Variants in CCDC167 observed in about 807,000 individuals in gnomAD.
CCDC167 encodes the protein coiled-coil domain containing 167, also known as coiled-coil domain-containing protein 167.
A neutral mutation model predicts 12.7 loss-of-function variants in CCDC167; 15 were observed. The ratio of observed to expected loss-of-function variants is 1.18; its 90% CI spans 0.79 to 1.81. CCDC167 has a LOEUF of 1.81. Among genes scored for constraint, CCDC167 ranks in the 40% most tolerant of loss-of-function variants. The pLI is 0.00. For synonymous variants in CCDC167, 52 were observed against 49.0 expected, an observed-to-expected ratio of 1.06 and a Z score of -0.26; for missense variants, 121 against 120.1, an observed-to-expected ratio of 1.01 and a Z score of -0.03.
At chr6:37,488,541 G>A (rs1761974968) in intron 1 of CCDC167, among the ~76,000 whole-genome samples, 1 of 152,238 alleles carries the variant, frequency 6.6e-6, no homozygotes, top group Non-Finnish European at 1.5e-5. Flanking sequence ...GGAGACAAAT[G>A]TCAAGAAGAT....
At chr6:37,489,924 G>C (rs999949950) in intron 1 of CCDC167, among the ~76,000 whole-genome samples, 2 of 152,218 alleles carry the variant, frequency 1.3e-5, no homozygotes, top group East Asian at 3.8e-4. Context: ...GACCTAGACG[G>C]CACAGTGTGG....
intron 1 of CCDC167, among the ~76,000 whole-genome samples, chr6:37,497,479 A>C (rs1452245883): frequency 6.7e-6 from 1 of 149,632 alleles, no homozygotes; most frequent in Non-Finnish European, 1.5e-5. Context: ...CTTCTACAAC[A>C]CATCACAGCC....
intron 1 of CCDC167, among the ~76,000 whole-genome samples, chr6:37,486,605 C>T (rs1761945981): frequency 6.6e-6 from 1 of 152,216 alleles, no homozygotes; most frequent in South Asian, 2.1e-4. Context: ...CCTCCAGCCC[C>T]ATAAGCAGGG....
Position 37,484,811 on chromosome 6 carries a change from G to T in CCDC167, c.189C>A (p.Tyr63Ter), listed in dbSNP as rs768066379. 6.2e-7 allele frequency: 1 copy of T among 1,614,222 alleles called. No individual in the cohort carries two copies. Among genetic ancestry groups the T allele is most frequent in the Admixed American group, 1.7e-5 (1 of 60,028 alleles). Residue 63 changes from tyrosine (Y) to a stop codon, truncating the protein, a stop_gained and splice_region_variant, in exon 3 of 4, where the codon TAC becomes TAA. Coordinates refer to ENST00000373408, the MANE Select transcript of CCDC167 (RefSeq NM_138493.3). LOFTEE classifies it high-confidence loss of function. ...KNSLMNKASN[Y>*]EKELKFLRQE... ...GGTAACTGAAAGGAACTTTCTTACC[G>T]TAGTTGGAGGCTTTGTTCATTAGGC... is the stretch of plus-strand genomic sequence containing the variant.
intron 1 of CCDC167, among the ~76,000 whole-genome samples, chr6:37,485,731 A>T (rs1761934174): frequency 6.6e-6 from 1 of 152,246 alleles, no homozygotes; most frequent in African/African-American, 2.4e-5. Context: ...CATCTTAATA[A>T]CTTAGTAGTC....
intron 1 of CCDC167, among the ~76,000 whole-genome samples, chr6:37,488,189 G>C (rs1259664294): frequency 6.6e-6 from 1 of 152,256 alleles, no homozygotes; most frequent in Non-Finnish European, 1.5e-5. Flanking sequence ...TGAGTGGAGA[G>C]ACTCCAGGGG....
chr6:37,491,959 C>T (rs1027348610), intron 1 of CCDC167, among the ~76,000 whole-genome samples: 2 of 152,138 alleles, frequency 1.3e-5, no homozygotes, highest in Non-Finnish European at 1.5e-5. Flanking sequence ...GAGAAGGCAG[C>T]GCTCATCAGC....
At chr6:37,498,374 C>T (rs1465564645) in intron 1 of CCDC167, among the ~76,000 whole-genome samples, 2 of 152,162 alleles carry the variant, frequency 1.3e-5, no homozygotes, top group African/African-American at 2.4e-5. Context: ...ATGTTCTTCC[C>T]GCCACAAAGT....
intron 1 of CCDC167, among the ~76,000 whole-genome samples, chr6:37,494,804 A>ATTTTTTTTTTT (rs1561799989): frequency 2.2e-5 from 1 of 44,934 alleles, no homozygotes; most frequent in African/African-American, 1.7e-4. Context: ...CCTACCTACA[A>ATTTTTTTTTTT]ATTTTTTTTT....
intron 1 of CCDC167, among the ~76,000 whole-genome samples, chr6:37,488,826 A>T (rs1163341915): frequency 1.3e-5 from 2 of 152,262 alleles, no homozygotes; most frequent in African/African-American, 2.4e-5. Context: ...CATGCTTTAC[A>T]TGGTCAGAGT....
chr6:37,499,782 G>C, intron 1 of CCDC167, 40 bp downstream of exon 1: 1 of 1,606,304 alleles, frequency 6.2e-7, no homozygotes, highest in South Asian at 1.1e-5. Flanking sequence ...CCAGGAGAAG[G>C]CAACTAACGA....
intron 1 of CCDC167, among the ~76,000 whole-genome samples, chr6:37,497,620 G>A (rs981689181): frequency 2.6e-5 from 4 of 152,112 alleles, no homozygotes; most frequent in African/African-American, 9.7e-5. Flanking sequence ...TTGGGAGGCC[G>A]AGGTGGGCAG....
intron 1 of CCDC167, among the ~76,000 whole-genome samples, chr6:37,487,511 C>T (rs114879977): frequency 0.011 from 1,658 of 152,336 alleles, 18 homozygotes; most frequent in South Asian, 0.049. Flanking sequence ...GTACGCTTTG[C>T]AGATTGCCCA....
intron 1 of CCDC167, among the ~76,000 whole-genome samples, chr6:37,495,290 T>A (rs565544041): frequency 1.3e-5 from 2 of 152,328 alleles, no homozygotes; most frequent in African/African-American, 4.8e-5. Context: ...GACCAACTGG[T>A]CACTGAAACA....
Position 37,499,859 on chromosome 6 carries a change from G to T in CCDC167, c.5C>A (p.Thr2Asn). The T allele has an allele frequency of 1.2e-6, 2 of 1,614,114 alleles. No homozygotes were observed. Among genetic ancestry groups the T allele is most frequent in the Non-Finnish European group, 1.7e-6 (2 of 1,180,022 alleles). ...GCCCAGATTCTCCCGCTTCTTTTTA[G>T]TCATGTTACTTGCCGGGATCCCCCA... M[T>N]KKKRENLGVA... Residue 2 changes from threonine (T) to asparagine (N), a missense_variant, in exon 1 of 4, where the codon ACT becomes AAT. Coordinates refer to ENST00000373408, the MANE Select transcript of CCDC167 (RefSeq NM_138493.3).
At chr6:37,485,911 C>T (rs1443511144) in intron 1 of CCDC167, among the ~76,000 whole-genome samples, 1 of 152,164 alleles carries the variant, frequency 6.6e-6, no homozygotes, top group Non-Finnish European at 1.5e-5. Context: ...ATTAGAGTTT[C>T]AGAGAAGTGT....
At chr6:37,490,552 A>C (rs755765429) in intron 1 of CCDC167, among the ~76,000 whole-genome samples, 5 of 152,192 alleles carry the variant, frequency 3.3e-5, no homozygotes, top group Non-Finnish European at 5.9e-5. Flanking sequence ...GCTGCTTCTC[A>C]GTATCAGAGC....
At chr6:37,493,977 G>A (rs1042852870) in intron 1 of CCDC167, among the ~76,000 whole-genome samples, 4 of 151,070 alleles carry the variant, frequency 2.6e-5, no homozygotes, top group African/African-American at 4.9e-5. Context: ...AACCACAAGC[G>A]TCAAGCCTTC....
intron 1 of CCDC167, among the ~76,000 whole-genome samples, 156 bp downstream of exon 1, chr6:37,499,666 T>C (rs939954919): frequency 7.2e-5 from 11 of 152,046 alleles, no homozygotes; most frequent in African/African-American, 2.7e-4. Context: ...GGGAACCCCG[T>C]GGGCCTTCTC....
Sources: allele counts gnomAD v4.1 joint callset (sites outside exome capture counted in the v4.1 genomes callset), GRCh38; gene constraint gnomAD v4.1.1; transcripts MANE v1.5; gene names NCBI Gene and HGNC (gene_info 2026-07-23, HGNC 2026-07-21).